The following ZSWIM6 variants were observed in gnomAD, a reference collection of about 807,000 sequenced individuals.
ZSWIM6 encodes the protein zinc finger SWIM-type containing 6.
A neutral mutation model predicts 113.2 loss-of-function variants in ZSWIM6; 9 were observed. That is an observed-to-expected ratio of 0.08 (90% CI 0.05 to 0.14). The LOEUF is 0.14. ZSWIM6 is among the 10% of genes least tolerant of loss of function. The pLI is 1.00. For missense variants in ZSWIM6, 1,162 were observed against 1,552.2 expected (o/e 0.75, Z 4.22); for synonymous variants, 611 against 606.5 (o/e 1.01, Z -0.11).
At chr5:61,423,075 T>C (rs2112126620) in intron 1 of ZSWIM6, among the ~76,000 whole-genome samples, 1 of 152,298 alleles carries the variant, frequency 6.6e-6, no homozygotes, top group East Asian at 1.9e-4. Flanking sequence ...TTCTCTTGTC[T>C]GATTACTTTA....
intron 1 of ZSWIM6, among the ~76,000 whole-genome samples, chr5:61,453,697 T>A (rs1747137383): frequency 6.6e-6 from 1 of 151,990 alleles, no homozygotes; most frequent in Admixed American, 6.6e-5. Flanking sequence ...CTTAGCATTT[T>A]TCAAGAATAA....
intron 1 of ZSWIM6, among the ~76,000 whole-genome samples, chr5:61,446,146 C>T (rs1746948951): frequency 1.3e-5 from 2 of 152,304 alleles, no homozygotes; most frequent in South Asian, 4.1e-4. Context: ...CCTGCCTCAG[C>T]CTCCTGAGAA....
At chr5:61,441,846 C>G (rs746492117) in intron 1 of ZSWIM6, among the ~76,000 whole-genome samples, 1 of 152,174 alleles carries the variant, frequency 6.6e-6, no homozygotes, top group Non-Finnish European at 1.5e-5. Flanking sequence ...TGCCACCTTA[C>G]AGTGTTTGGT....
rs1744281217 is a variant in ZSWIM6 at position 61,332,700 on chromosome 5, G to A, written c.428G>A (p.Gly143Asp). The change falls in exon 1 of 14, where the codon GGC (glycine) becomes GAC (aspartate). Residue 143 changes from glycine (G) to aspartate (D), a missense_variant. By Grantham distance (94) the Gly-to-Asp change is moderately conservative. Around this residue, in one of 4 missense-constraint regions of ZSWIM6, gnomAD observed 333 missense variants for 293.4 expected, o/e 1.13. Coordinates refer to ENST00000252744, the MANE Select transcript of ZSWIM6 (RefSeq NM_020928.2). ...AAGGPGDDSG[G>D]GGGAGGGGGG... ...GGCGGCCCCGGCGACGACAGCGGTG[G>A]CGGCGGCGGCGCGGGCGGCGGCGGC... The A allele has an allele frequency of 1.0e-6, 1 of 979,572 alleles. No homozygotes were observed. Among genetic ancestry groups the A allele is most frequent in the Non-Finnish European group, 1.2e-6 (1 of 827,502 alleles). 60.7% of individuals were successfully genotyped at this position (979,572 alleles called of 1,614,324 possible). A position where few individuals can be genotyped will look rare whatever the true frequency, so the allele number is the denominator to read the frequency against.
intron 1 of ZSWIM6, among the ~76,000 whole-genome samples, chr5:61,408,094 A>G (rs1250923743): frequency 2.6e-5 from 4 of 152,252 alleles, no homozygotes; most frequent in African/African-American, 9.6e-5. Flanking sequence ...GCTCATATAT[A>G]GGGGACTGCT....
At chr5:61,334,101 A>G (rs1341623008) in intron 1 of ZSWIM6, among the ~76,000 whole-genome samples, 1 of 152,224 alleles carries the variant, frequency 6.6e-6, no homozygotes, top group Admixed American at 6.5e-5. Context: ...GTAAAGTAGA[A>G]TATATTTGAC....
At chr5:61,434,063 AATAAAATATATGT>A (rs1467495637) in intron 1 of ZSWIM6, among the ~76,000 whole-genome samples, 4 of 105,492 alleles carry the variant, frequency 3.8e-5, no homozygotes, top group African/African-American at 1.4e-4. Context: ...AAAAACATAT[AATAAAATATATGT>A]ATAAAATATA....
intron 1 of ZSWIM6, among the ~76,000 whole-genome samples, chr5:61,344,128 C>T (rs1408075415): frequency 6.6e-6 from 1 of 152,194 alleles, no homozygotes; most frequent in Non-Finnish European, 1.5e-5. Context: ...CTCTTGCCCT[C>T]AGGTGATCCA....
chr5:61,335,879 G>C (rs767886764), intron 1 of ZSWIM6, among the ~76,000 whole-genome samples: 1 of 152,204 alleles, frequency 6.6e-6, no homozygotes, highest in Non-Finnish European at 1.5e-5. Flanking sequence ...TGTTATAGTA[G>C]TTGTAAGCAA....
intron 1 of ZSWIM6, among the ~76,000 whole-genome samples, chr5:61,368,217 A>G (rs1430104790): frequency 8.4e-6 from 1 of 118,538 alleles, no homozygotes; most frequent in East Asian, 2.2e-4. Context: ...AGCACATGAT[A>G]AAGAACTCAA....
chr5:61,533,893 T>C (rs2112280839), intron 9 of ZSWIM6, among the ~76,000 whole-genome samples: 1 of 152,358 alleles, frequency 6.6e-6, no homozygotes, highest in Non-Finnish European at 1.5e-5. Flanking sequence ...CATTGGCTTC[T>C]GATGAGGGCA....
chr5:61,488,740 G>A (rs140801706), intron 2 of ZSWIM6, among the ~76,000 whole-genome samples: 4 of 151,168 alleles, frequency 2.6e-5, no homozygotes, highest in African/African-American at 9.7e-5. Context: ...ATCATTAATT[G>A]CCTGAAAAGT....
chr5:61,399,757 G>A (rs931202653), intron 1 of ZSWIM6, among the ~76,000 whole-genome samples: 4 of 152,218 alleles, frequency 2.6e-5, no homozygotes, highest in South Asian at 4.1e-4. Context: ...GAATGAACTT[G>A]TAAGAAGAAA....
At chr5:61,368,343 A>G (rs1215903581) in intron 1 of ZSWIM6, among the ~76,000 whole-genome samples, 1 of 152,238 alleles carries the variant, frequency 6.6e-6, no homozygotes, top group Admixed American at 6.5e-5. Context: ...CATTTTACTC[A>G]GTTGAAATAA....
intron 7 of ZSWIM6, among the ~76,000 whole-genome samples, chr5:61,526,704 C>T (rs1478009044): frequency 6.6e-6 from 1 of 151,872 alleles, no homozygotes; most frequent in Non-Finnish European, 1.5e-5. Flanking sequence ...TAGCTAAATG[C>T]CTTATTTTGT....
At chr5:61,497,770 C>T (rs966311451) in intron 4 of ZSWIM6, among the ~76,000 whole-genome samples, 1 of 152,052 alleles carries the variant, frequency 6.6e-6, no homozygotes, top group African/African-American at 2.4e-5. Flanking sequence ...ATAGAAAGCC[C>T]CATTGCAATG....
intron 1 of ZSWIM6, among the ~76,000 whole-genome samples, chr5:61,446,730 T>C: frequency 6.6e-6 from 1 of 152,208 alleles, no homozygotes; most frequent in South Asian, 2.1e-4. Context: ...ACTTGGAAAA[T>C]GCTTGGATGT....
Position 61,531,651 on chromosome 5 carries a change from C to A in ZSWIM6, c.2171C>A (p.Ser724Tyr), listed in dbSNP as rs1228103988. ...TGCCGGAATGAGGAGCAGCTCATTT[C>A]TAAGCTTCAGGAAATTGAATTGGAT... ...KVCRNEEQLI[S>Y]KLQEIELDDT... The change falls in exon 9 of 14, where the codon TCT becomes TAT. Residue 724 changes from serine (S) to tyrosine (Y), a missense_variant. Transcript: ENST00000252744. The A allele has an allele frequency of 6.4e-7, 1 of 1,551,694 alleles. No homozygotes were observed. The highest frequency in any genetic ancestry group is 1.2e-5 in the South Asian group (1 of 84,068).
chr5:61,334,454 GTTAAC>G (rs952019507), intron 1 of ZSWIM6, among the ~76,000 whole-genome samples: 16 of 152,152 alleles, frequency 1.1e-4, no homozygotes, highest in Non-Finnish European at 2.4e-4. Context: ...CTCTTTGATT[GTTAAC>G]TTAATCCTTT....
Sources: gnomAD v4.1 joint callset for allele counts (sites outside exome capture counted in the v4.1 genomes callset) on GRCh38, gnomAD v4.1.1 for gene constraint, gnomAD v4.1.1 regional missense constraint, MANE v1.5 for transcripts, NCBI Gene and HGNC (gene_info 2026-07-23, HGNC 2026-07-21) for gene names.